ADD3: variants seen among roughly 807,000 people sequenced by gnomAD.
ADD3 encodes the protein adducin 3.
ADD3 carries 25 observed loss-of-function variants against 80.2 expected under a neutral mutation model. The ratio of observed to expected loss-of-function variants is 0.31; its 90% confidence interval spans 0.23 to 0.44. The LOEUF (loss-of-function observed/expected upper bound fraction) is 0.44. Ranked by LOEUF, ADD3 falls within the 20% of genes least tolerant of loss-of-function variation. The pLI, the probability that ADD3 is intolerant of heterozygous loss-of-function variation, is 1.00. For missense variants in ADD3, 829 were observed against 847.5 expected (o/e 0.98, Z 0.27); for synonymous variants, 284 against 289.6 (o/e 0.98, Z 0.20).
chr10:110,033,204 A>G (rs1855259216), intron 1 of ADD3, among the ~76,000 whole-genome samples: 1 of 152,332 alleles, frequency 6.6e-6, no homozygotes, highest in East Asian at 1.9e-4. Flanking sequence ...CTTGGTTTGC[A>G]TTTCTCTGAG....
At chr10:110,040,904 TGCAC>T (rs1856231935) in intron 1 of ADD3, among the ~76,000 whole-genome samples, 1 of 148,370 alleles carries the variant, frequency 6.7e-6, no homozygotes, top group Non-Finnish European at 1.5e-5. Flanking sequence ...AAAAAGAACT[TGCAC>T]GCACGCGCTC....
At chr10:110,031,776 G>A (rs7920098) in intron 1 of ADD3, among the ~76,000 whole-genome samples, 18,920 of 151,646 alleles carry the variant, frequency 0.12, 3,766 homozygotes, top group African/African-American at 0.42. Flanking sequence ...TTTAAAAATT[G>A]ACAAAAGTTA....
At chr10:110,033,563 T>A (rs1189137697) in intron 1 of ADD3, among the ~76,000 whole-genome samples, 1 of 152,226 alleles carries the variant, frequency 6.6e-6, no homozygotes, top group East Asian at 1.9e-4. Context: ...TCAGCTGTGC[T>A]AATCAGATGG....
chr10:110,009,355 G>A (rs755225538), intron 1 of ADD3, among the ~76,000 whole-genome samples: 10 of 152,126 alleles, frequency 6.6e-5, no homozygotes, highest in Non-Finnish European at 1.3e-4. Flanking sequence ...TCTTGGAATG[G>A]CTTCTGACTA....
Position 110,133,451 on chromosome 10 carries a change from A to T in ADD3, c.1954A>T (p.Ser652Cys), listed in dbSNP as rs1478593923. Residue 652 changes from serine (S) to cysteine (C), a missense_variant, in exon 15 of 15, where the codon AGT (serine) becomes TGT (cysteine). Coordinates refer to ENST00000356080, the MANE Select transcript of ADD3 (RefSeq NM_016824.5). ...TAAGCGAGTGAGTAGGTTAAGCACA[A>T]GTACAACCATAGAAAACATCGAGAT... ...LAKRVSRLSTSTTIENIEITI... is the reference protein window; with the variant it reads ...LAKRVSRLSTCTTIENIEITI... The T allele has an allele frequency of 6.2e-7, 1 of 1,613,976 alleles. No individual in the cohort carries two copies. The highest frequency in any genetic ancestry group is 1.7e-5 in the Admixed American group (1 of 60,028).
intron 1 of ADD3, among the ~76,000 whole-genome samples, chr10:110,053,138 G>C (rs1857722610): frequency 6.6e-6 from 1 of 152,134 alleles, no homozygotes; most frequent in Non-Finnish European, 1.5e-5. Context: ...GAGAGCATAA[G>C]ATCATAGCAG....
At chr10:110,102,251 A>G (rs1198931344) in intron 2 of ADD3, among the ~76,000 whole-genome samples, 1 of 146,822 alleles carries the variant, frequency 6.8e-6, no homozygotes, top group African/African-American at 2.8e-5. Context: ...TGAAGAGCAC[A>G]TTAATTATTT....
At chr10:110,063,794 C>T (rs1337572199) in intron 1 of ADD3, among the ~76,000 whole-genome samples, 6 of 92,210 alleles carry the variant, frequency 6.5e-5, no homozygotes, top group African/African-American at 2.0e-4. Flanking sequence ...AAGTGAACAC[C>T]GTGTGTAACC....
At chr10:110,070,374 A>G (rs1374272855) in intron 1 of ADD3, among the ~76,000 whole-genome samples, 2 of 152,232 alleles carry the variant, frequency 1.3e-5, no homozygotes, top group African/African-American at 2.4e-5. Flanking sequence ...TAGTTAGTAG[A>G]ATAAATGTAT....
chr10:110,127,283 TG>T (rs1469546851), intron 12 of ADD3, among the ~76,000 whole-genome samples: 5 of 152,228 alleles, frequency 3.3e-5, no homozygotes, highest in African/African-American at 4.8e-5. Context: ...GCTTATTATT[TG>T]GGGTACATTG....
Position 110,100,857 on chromosome 10 carries a change from A to G in ADD3, c.195+9A>G. 2 of 1,565,460 alleles carry G rather than the reference A, an allele frequency of 1.3e-6. No homozygotes were observed. Among genetic ancestry groups the G allele is most frequent in the East Asian group, 4.7e-5 (2 of 42,156 alleles). On this transcript the variant is annotated intron_variant, in intron 2 of 14. Transcript: ENST00000356080. ...AGATCCTGCAAAGTCCTGTGAGTTG[A>G]ATTAGAAGGCTGTAATTTTTCTCCC...
intron 1 of ADD3, among the ~76,000 whole-genome samples, chr10:110,018,526 C>CAAAAA (rs59949041): frequency 8.1e-5 from 4 of 49,536 alleles, no homozygotes; most frequent in African/African-American, 1.0e-4. Context: ...GACTTTGTCT[C>CAAAAA]AAAAAAAAAA....
intron 1 of ADD3, among the ~76,000 whole-genome samples, chr10:110,044,726 C>T (rs1856738245): frequency 6.6e-6 from 1 of 152,158 alleles, no homozygotes; most frequent in South Asian, 2.1e-4. Flanking sequence ...TTAGATTTCT[C>T]CCATGAGATT....
Position 110,122,947 on chromosome 10 carries a change from G to A in ADD3, c.1143+655G>A, listed in dbSNP as rs549689015. Among the ~76,000 whole-genome samples the A allele has an allele frequency of 1.2e-4, 18 of 152,088 alleles. No individual in the cohort carries two copies. The South Asian group carries it at 3.8e-3, about 32-fold the overall frequency. On this transcript the variant is annotated intron_variant, in intron 9 of 14. Coordinates refer to ENST00000356080, the MANE Select transcript of ADD3 (RefSeq NM_016824.5). ...ATGCCCAACAAGTTCAACTTTTTAA[G>A]ACTCTGTATATAAGTGAGATCATGG...
In ADD3 at chr10:110,088,915, A is replaced by G. The variant is rs146999707; in HGVS notation, c.-29-11710A>G. The stretch of plus-strand genomic sequence containing the variant: ...TGGTAACAAATCAGTTTCCTAGACT[A>G]GCCTTTTCAATGCATATTTATTTTG... On this transcript the variant is annotated intron_variant, in intron 1 of 14. Coordinates refer to ENST00000356080, the MANE Select transcript of ADD3 (RefSeq NM_016824.5). 1.4e-4 allele frequency among the ~76,000 whole-genome samples: 21 copies of G among 152,340 alleles called. No homozygotes were observed. The East Asian group carries it at 2.5e-3, about 18-fold the overall frequency.
chr10:110,044,394 C>T (rs1856700368), intron 1 of ADD3, among the ~76,000 whole-genome samples: 1 of 152,230 alleles, frequency 6.6e-6, no homozygotes, highest in East Asian at 1.9e-4. Context: ...CTTTGTGTTT[C>T]TAGAACTTCA....
intron 12 of ADD3, among the ~76,000 whole-genome samples, chr10:110,127,498 T>TC (rs1231829634): frequency 6.6e-6 from 1 of 152,152 alleles, no homozygotes; most frequent in Non-Finnish European, 1.5e-5. Context: ...GCACCTGTAG[T>TC]CCCAGCTACT....
At chr10:110,070,442 A>C (rs1844523626) in intron 1 of ADD3, among the ~76,000 whole-genome samples, 1 of 147,970 alleles carries the variant, frequency 6.8e-6, no homozygotes, top group South Asian at 2.5e-4. Flanking sequence ...TCAGAATTTA[A>C]ATATAAATTT....
At chr10:110,042,167 C>G (rs1027620136) in intron 1 of ADD3, among the ~76,000 whole-genome samples, 1 of 152,122 alleles carries the variant, frequency 6.6e-6, no homozygotes, top group African/African-American at 2.4e-5. Flanking sequence ...TTTTTAAATA[C>G]TGTTGTTTGA....
Sources: gnomAD v4.1 joint callset for allele counts (sites outside exome capture counted in the v4.1 genomes callset) on GRCh38, gnomAD v4.1.1 for gene constraint, MANE v1.5 for transcripts, NCBI Gene and HGNC (gene_info 2026-07-23, HGNC 2026-07-21) for gene names.